FIGN: variants seen among roughly 807,000 people sequenced by gnomAD.
FIGN encodes fidgetin, microtubule severing factor, also known as fidgetin.
FIGN carries 11 observed loss-of-function variants against 51.3 expected under a neutral mutation model. The observed-to-expected ratio is 0.21, with a 90% CI of 0.13 to 0.35. FIGN has a LOEUF of 0.35. Among genes scored for constraint, FIGN ranks in the 10% least tolerant of loss-of-function variants. FIGN has a pLI of 1.00. For missense variants in FIGN, 857 were observed against 943.6 expected (o/e 0.91, Z 1.20); for synonymous variants, 407 against 363.2 (o/e 1.12, Z -1.37).
At chr2:163,687,573 T>C (rs1181158399) in intron 2 of FIGN, among the ~76,000 whole-genome samples, 1 of 152,164 alleles carries the variant, frequency 6.6e-6, no homozygotes, top group Non-Finnish European at 1.5e-5. Context: ...CATGAAAGAA[T>C]TACTCTTGAG....
At chr2:163,712,511 A>G (rs2105357445) in intron 2 of FIGN, among the ~76,000 whole-genome samples, 1 of 152,356 alleles carries the variant, frequency 6.6e-6, no homozygotes, top group Non-Finnish European at 1.5e-5. Flanking sequence ...ACAAAATGTA[A>G]GACATATAAT....
intron 2 of FIGN, among the ~76,000 whole-genome samples, chr2:163,629,393 C>T (rs1161640767): frequency 6.6e-6 from 1 of 151,932 alleles, no homozygotes; most frequent in African/African-American, 2.4e-5. Flanking sequence ...TGGGATCAGA[C>T]GTCATGGTGA....
intron 2 of FIGN, among the ~76,000 whole-genome samples, chr2:163,627,989 A>C (rs1227196306): frequency 1.3e-5 from 2 of 152,200 alleles, no homozygotes; most frequent in Non-Finnish European, 2.9e-5. Context: ...ATTAGAATAC[A>C]AAAACACTGC....
intron 2 of FIGN, among the ~76,000 whole-genome samples, chr2:163,694,109 T>A (rs908611177): frequency 2.0e-5 from 3 of 152,134 alleles, no homozygotes; most frequent in Non-Finnish European, 2.9e-5. Context: ...ATTCTGTAGG[T>A]CTAGGTTTGG....
At chr2:163,619,029 A>G (rs1174265209) in intron 2 of FIGN, among the ~76,000 whole-genome samples, 1 of 152,146 alleles carries the variant, frequency 6.6e-6, no homozygotes, top group African/African-American at 2.4e-5. Context: ...AACAGTGTGG[A>G]ATGATGAATA....
At chr2:163,651,152 T>C (rs1224530315) in intron 2 of FIGN, among the ~76,000 whole-genome samples, 1 of 152,218 alleles carries the variant, frequency 6.6e-6, no homozygotes, top group Non-Finnish European at 1.5e-5. Flanking sequence ...TGAGTTTGAC[T>C]CAGTGTGCAA....
chr2:163,631,360 C>T (rs777614545), intron 2 of FIGN, among the ~76,000 whole-genome samples: 2 of 152,132 alleles, frequency 1.3e-5, no homozygotes, highest in Non-Finnish European at 2.9e-5. Context: ...ATGGATGATG[C>T]GAACTTTGTT....
At chr2:163,618,974 G>A (rs1029553808) in intron 2 of FIGN, among the ~76,000 whole-genome samples, 34 of 151,974 alleles carry the variant, frequency 2.2e-4, no homozygotes, top group African/African-American at 8.2e-4. Flanking sequence ...CACAACACGT[G>A]GGAAATAATT....
intron 2 of FIGN, among the ~76,000 whole-genome samples, chr2:163,628,598 C>T (rs919840369): frequency 4.0e-5 from 6 of 151,720 alleles, no homozygotes; most frequent in African/African-American, 1.2e-4. Context: ...AGGACAAATT[C>T]GAGGGGACAA....
chr2:163,610,649 A>G lies in FIGN; in HGVS notation c.1183T>C (p.Ser395Pro). The change falls in exon 3 of 3, where the codon TCC becomes CCC. Residue 395 changes from serine to proline, a missense_variant. Physicochemically the swap from Ser to Pro is moderately conservative, Grantham distance 74. Around this residue, in one of 3 missense-constraint regions of FIGN, gnomAD observed 799 missense variants for 849.5 expected, o/e 0.94. Transcript: ENST00000333129. ...GAAGGAGGGGTCAGAGCCCTACTGG[A>G]CTGGCTGCTGAATTTCCTTTGCTGT... ...SEQQRKFSSQ[S>P]SRALTPPSYS... The G allele has an allele frequency of 6.2e-7, 1 of 1,614,182 alleles. No homozygotes were observed. The highest frequency in any genetic ancestry group is 8.5e-7 in the Non-Finnish European group (1 of 1,180,020).
intron 2 of FIGN, among the ~76,000 whole-genome samples, chr2:163,666,985 A>G (rs1287548089): frequency 1.3e-5 from 2 of 152,012 alleles, no homozygotes; most frequent in Non-Finnish European, 2.9e-5. Flanking sequence ...ATAAAAATGT[A>G]CAAAATATAA....
At chr2:163,679,962 C>A (rs1684036311) in intron 2 of FIGN, among the ~76,000 whole-genome samples, 1 of 152,186 alleles carries the variant, frequency 6.6e-6, no homozygotes, top group African/African-American at 2.4e-5. Flanking sequence ...TCAATACTTA[C>A]CAAATGTCAT....
chr2:163,724,495 G>A (rs1362315676), intron 2 of FIGN, among the ~76,000 whole-genome samples: 3 of 149,610 alleles, frequency 2.0e-5, no homozygotes, highest in Non-Finnish European at 4.4e-5. Context: ...GTAGGGCTTA[G>A]GCAAAAGTTT....
At chr2:163,664,253 T>A (rs1186337932) in intron 2 of FIGN, among the ~76,000 whole-genome samples, 1 of 152,132 alleles carries the variant, frequency 6.6e-6, no homozygotes, top group Non-Finnish European at 1.5e-5. Context: ...CAGTTGAAGA[T>A]CGTTCTGTTG....
intron 2 of FIGN, among the ~76,000 whole-genome samples, chr2:163,690,886 C>T (rs1684229879): frequency 6.6e-6 from 1 of 151,924 alleles, no homozygotes; most frequent in South Asian, 2.1e-4. Context: ...AACAGGCCTT[C>T]TCATGATTTT....
At chr2:163,645,431 C>T (rs1683367952) in intron 2 of FIGN, among the ~76,000 whole-genome samples, 2 of 152,276 alleles carry the variant, frequency 1.3e-5, no homozygotes, top group South Asian at 4.1e-4. Flanking sequence ...AATACTTTCA[C>T]AGTGCCCAGA....
In FIGN at chr2:163,606,898, A is replaced by G. The variant is rs1691123214; in HGVS notation, c.*2654T>C. 1 of 152,186 alleles carries G rather than the reference A, an allele frequency of 6.6e-6. No individual in the cohort carries two copies. Among genetic ancestry groups the G allele is most frequent in the Non-Finnish European group, 1.5e-5 (1 of 68,042 alleles). 9.4% of individuals were successfully genotyped at this position (152,186 alleles called of 1,614,324 possible). A position where few individuals can be genotyped will look rare whatever the true frequency, so the allele number is the denominator to read the frequency against. Reference sequence around the variant, plus strand: ...TGCATCTCAAATTAATTTTTAAGTCACTCAGAGTTCTAATTTTTAAGTCAC... The same window carrying G: ...TGCATCTCAAATTAATTTTTAAGTCGCTCAGAGTTCTAATTTTTAAGTCAC... On this transcript the variant is annotated 3_prime_UTR_variant, in exon 3 of 3. Coordinates refer to ENST00000333129, the MANE Select transcript of FIGN (RefSeq NM_018086.4).
chr2:163,665,719 G>C (rs980674957), intron 2 of FIGN, among the ~76,000 whole-genome samples: 6 of 152,178 alleles, frequency 3.9e-5, no homozygotes, highest in African/African-American at 1.4e-4. Flanking sequence ...TATAGGAGAT[G>C]ATGACCTAAC....
At chr2:163,725,942 A>G (rs1475985956) in intron 2 of FIGN, among the ~76,000 whole-genome samples, 1 of 152,114 alleles carries the variant, frequency 6.6e-6, no homozygotes, top group African/African-American at 2.4e-5. Flanking sequence ...ACCAGCTCCA[A>G]CTGGACATTC....
Sources: gnomAD v4.1 joint callset for allele counts (sites outside exome capture counted in the v4.1 genomes callset) on GRCh38, gnomAD v4.1.1 for gene constraint, gnomAD v4.1.1 regional missense constraint, MANE v1.5 for transcripts, NCBI Gene and HGNC (gene_info 2026-07-23, HGNC 2026-07-21) for gene names.